The following STAU2 variants were observed in gnomAD, a reference collection of about 807,000 sequenced individuals.
STAU2 encodes the protein staufen double-stranded RNA binding protein 2.
STAU2 carries 20 observed loss-of-function variants against 65.9 expected under a neutral mutation model. The observed-to-expected ratio is 0.30, with a 90% CI of 0.21 to 0.44. The LOEUF is 0.44. STAU2 is among the 20% of genes least tolerant of loss of function. STAU2 has a pLI of 1.00. For missense variants in STAU2, 558 were observed against 683.9 expected (o/e 0.82, Z 2.05); for synonymous variants, 232 against 233.9 (o/e 0.99, Z 0.07).
At chr8:73,458,652 C>A (rs1309562856) in intron 13 of STAU2, 1 of 152,140 alleles carries the variant, frequency 6.6e-6, no homozygotes, top group Non-Finnish European at 1.5e-5. Context: ...TATTCTGAAC[C>A]CATTCAAAGA....
intron 13 of STAU2, among the ~76,000 whole-genome samples, chr8:73,468,565 G>A (rs1425934014): frequency 6.6e-6 from 1 of 152,104 alleles, no homozygotes; most frequent in African/African-American, 2.4e-5. Context: ...ATCTGACAAA[G>A]GGCTAATATC....
Position 73,603,508 on chromosome 8 carries a change from C to T in STAU2, c.1029+218G>A, listed in dbSNP as rs562217953. On this transcript the variant is annotated intron_variant, in intron 10 of 14. Transcript: ENST00000524300. ...CTCCATGGTAAATAACCTGTGTGAA[C>T]TCAGAGTCCCTTGGAAAACTCATGT... 5.3e-5 allele frequency among the ~76,000 whole-genome samples: 8 copies of T among 152,294 alleles called. No individual in the cohort carries two copies. The South Asian group carries it at 1.7e-3, about 32-fold the overall frequency.
intron 13 of STAU2, among the ~76,000 whole-genome samples, chr8:73,503,796 T>G (rs1821895300): frequency 6.6e-6 from 1 of 152,006 alleles, no homozygotes; most frequent in South Asian, 2.1e-4. Flanking sequence ...GACTGAGAAA[T>G]GTTCCCCTAA....
chr8:73,604,622 G>A (rs1444806223), intron 9 of STAU2, among the ~76,000 whole-genome samples: 1 of 152,082 alleles, frequency 6.6e-6, no homozygotes, highest in African/African-American at 2.4e-5. Flanking sequence ...GAATATAAAA[G>A]GGAAATGGGC....
intron 13 of STAU2, among the ~76,000 whole-genome samples, chr8:73,461,163 T>TCTTCAATGA (rs1389396042): frequency 6.6e-6 from 1 of 152,222 alleles, no homozygotes; most frequent in African/African-American, 2.4e-5. Flanking sequence ...AGTCTCAGTT[T>TCTTCAATGA]CTTCAATGAC....
intron 13 of STAU2, chr8:73,527,247 C>T (rs572525961): frequency 1.3e-5 from 2 of 156,928 alleles, no homozygotes; most frequent in African/African-American, 4.8e-5. Flanking sequence ...AACAAAATCA[C>T]CTGATGATGC....
At chr8:73,735,478 C>T (rs1169093630) in intron 3 of STAU2, among the ~76,000 whole-genome samples, 1 of 152,108 alleles carries the variant, frequency 6.6e-6, no homozygotes, top group Non-Finnish European at 1.5e-5. Context: ...AATCTGAAAT[C>T]CAAAATCTCC....
At chr8:73,747,023 C>T (rs565969662), upstream of STAU2, 4,127 of 235,828 alleles carry the variant, frequency 0.018, 66 homozygotes, top group Non-Finnish European at 0.024. Context: ...GGCACCGGCT[C>T]TACCTCCACT....
intron 12 of STAU2, among the ~76,000 whole-genome samples, chr8:73,557,960 T>C (rs1036810964): frequency 6.6e-6 from 1 of 152,092 alleles, no homozygotes; most frequent in African/African-American, 2.4e-5. Context: ...TTAATTCCCA[T>C]AACAACCATA....
At chr8:73,550,929 T>C (rs764560587) in intron 13 of STAU2, 62 of 985,050 alleles carry the variant, frequency 6.3e-5, no homozygotes, top group Non-Finnish European at 7.2e-5. Flanking sequence ...TCTAAACTTG[T>C]AAAATATTTA....
intron 13 of STAU2, among the ~76,000 whole-genome samples, chr8:73,500,311 C>T (rs2090228872): frequency 6.6e-6 from 1 of 151,912 alleles, no homozygotes; most frequent in Admixed American, 6.6e-5. Flanking sequence ...GAATACAATG[C>T]CTACCTACCA....
intron 6 of STAU2, among the ~76,000 whole-genome samples, chr8:73,659,231 C>T (rs900711954): frequency 1.3e-5 from 2 of 152,126 alleles, no homozygotes; most frequent in African/African-American, 4.8e-5. Flanking sequence ...TTATATGTCA[C>T]ATGACATATT....
chr8:73,568,812 A>C (rs73328739), intron 12 of STAU2, among the ~76,000 whole-genome samples: 15,176 of 152,248 alleles, frequency 0.1, 1,182 homozygotes, highest in East Asian at 0.44. Context: ...AAATGAAACT[A>C]TAAGAGTTCC....
At chr8:73,747,286 G>A (rs1807357076), upstream of STAU2, 7 of 1,393,902 alleles carry the variant, frequency 5.0e-6, no homozygotes, top group East Asian at 1.8e-4. Context: ...TGGGCCTGGG[G>A]CAGCCCCTTC....
chr8:73,510,171 G>T (rs931135123), intron 13 of STAU2, among the ~76,000 whole-genome samples: 2 of 152,022 alleles, frequency 1.3e-5, no homozygotes, highest in East Asian at 3.9e-4. Flanking sequence ...GGGTTCAAGC[G>T]ATTCTCTTGC....
chr8:73,677,667 G>A (rs1213769640), intron 5 of STAU2, among the ~76,000 whole-genome samples: 2 of 152,174 alleles, frequency 1.3e-5, no homozygotes, highest in Non-Finnish European at 2.9e-5. Context: ...TTAACCAACT[G>A]AAGTGGGCAT....
chr8:73,421,964 T>A (rs1462172379), intron 14 of STAU2, among the ~76,000 whole-genome samples: 2 of 152,138 alleles, frequency 1.3e-5, no homozygotes, highest in Non-Finnish European at 2.9e-5. Flanking sequence ...CCATTTTTTT[T>A]TTTTTTTTAG....
chr8:73,650,469 T>C (rs1313460797), intron 6 of STAU2, among the ~76,000 whole-genome samples: 1 of 152,182 alleles, frequency 6.6e-6, no homozygotes, highest in Non-Finnish European at 1.5e-5. Flanking sequence ...TGGGTCACAT[T>C]ATTTTTAAAA....
intron 14 of STAU2, among the ~76,000 whole-genome samples, chr8:73,422,141 G>A (rs545711922): frequency 6.6e-6 from 1 of 152,178 alleles, no homozygotes; most frequent in South Asian, 2.1e-4. Flanking sequence ...AATGTGTGCT[G>A]GTGTTTCATA....
Sources: gnomAD v4.1 joint callset for allele counts (sites outside exome capture counted in the v4.1 genomes callset) on GRCh38, gnomAD v4.1.1 for gene constraint, MANE v1.5 for transcripts, NCBI Gene and HGNC (gene_info 2026-07-23, HGNC 2026-07-21) for gene names.